The following PPP2R5A variants were observed in gnomAD, a reference collection of about 807,000 sequenced individuals.
PPP2R5A encodes protein phosphatase 2 regulatory subunit B'alpha.
PPP2R5A carries 25 observed loss-of-function variants against 64.2 expected under a neutral mutation model. That is an observed-to-expected ratio of 0.39 (90% CI 0.28 to 0.54). PPP2R5A has a LOEUF of 0.54. PPP2R5A is among the 20% of genes least tolerant of loss of function. The probability of loss-of-function intolerance (pLI) is 0.67; values close to 1 mark genes in which losing one functional copy is unlikely to be tolerated. For missense variants in PPP2R5A, 425 were observed against 576.3 expected, an observed-to-expected ratio of 0.74 and a Z score of 2.69; for synonymous variants, 198 against 201.2, an observed-to-expected ratio of 0.98 and a Z score of 0.13.
At chr1:212,341,798 G>A (rs923791795) in intron 3 of PPP2R5A, among the ~76,000 whole-genome samples, 1 of 151,940 alleles carries the variant, frequency 6.6e-6, no homozygotes, top group Non-Finnish European at 1.5e-5. Context: ...GCAGTGGTAC[G>A]GCACAGTCAC....
intron 3 of PPP2R5A, among the ~76,000 whole-genome samples, chr1:212,334,781 A>G (rs1485088979): frequency 6.6e-6 from 1 of 152,156 alleles, no homozygotes; most frequent in Non-Finnish European, 1.5e-5. Context: ...CTCATCATGT[A>G]TGTGAAAAGT....
intron 1 of PPP2R5A, among the ~76,000 whole-genome samples, chr1:212,300,621 A>G (rs1658784842): frequency 6.6e-6 from 1 of 152,172 alleles, no homozygotes; most frequent in Non-Finnish European, 1.5e-5. Flanking sequence ...GTTGTTCAAT[A>G]GCCTATTATT....
chr1:212,290,850 T>C (rs532820111), intron 1 of PPP2R5A, among the ~76,000 whole-genome samples: 15 of 152,354 alleles, frequency 9.8e-5, no homozygotes, highest in African/African-American at 3.6e-4. Flanking sequence ...TCCTTTCAAC[T>C]TCAGTTTAGC....
intron 1 of PPP2R5A, among the ~76,000 whole-genome samples, chr1:212,296,078 A>G (rs576175271): frequency 1.3e-5 from 2 of 152,074 alleles, no homozygotes; most frequent in East Asian, 3.9e-4. Flanking sequence ...TGCATTTGAG[A>G]TATATCTTAG....
intron 8 of PPP2R5A, among the ~76,000 whole-genome samples, chr1:212,349,582 C>G (rs542631745): frequency 6.6e-6 from 1 of 152,102 alleles, no homozygotes; most frequent in South Asian, 2.1e-4. Context: ...TTAAAGCATA[C>G]TTCGAGGGTC....
chr1:212,286,346 C>T, intron 1 of PPP2R5A, 55 bp downstream of exon 1: 10 of 1,398,314 alleles, frequency 7.2e-6, no homozygotes, highest in Non-Finnish European at 9.3e-6. Flanking sequence ...CAACGCTTGC[C>T]TCTGCGCCAG....
At chr1:212,349,116 T>A in intron 7 of PPP2R5A, 73 bp from the exon 8 acceptor site, 1 of 1,028,650 alleles carries the variant, frequency 9.7e-7, no homozygotes, top group South Asian at 2.5e-5. Flanking sequence ...TAAAAAATAT[T>A]GGCTAAATAT....
intron 1 of PPP2R5A, chr1:212,309,288 G>C: frequency 6.5e-7 from 1 of 1,531,112 alleles, no homozygotes; most frequent in South Asian, 1.1e-5. Flanking sequence ...GCGGAAACTT[G>C]ATGATAGCAT....
chr1:212,359,177 T>C (rs1660037734), intron 12 of PPP2R5A, among the ~76,000 whole-genome samples: 2 of 152,246 alleles, frequency 1.3e-5, no homozygotes, highest in African/African-American at 4.8e-5. Flanking sequence ...TATCAATTTG[T>C]ACAATTTGAT....
At chr1:212,354,795 T>C (rs1659950045) in intron 8 of PPP2R5A, among the ~76,000 whole-genome samples, 1 of 152,092 alleles carries the variant, frequency 6.6e-6, no homozygotes, top group African/African-American at 2.4e-5. Flanking sequence ...AAGATTATAA[T>C]GCTATATTTT....
intron 8 of PPP2R5A, among the ~76,000 whole-genome samples, chr1:212,354,201 T>C (rs899441754): frequency 1.3e-5 from 2 of 151,524 alleles, no homozygotes; most frequent in Non-Finnish European, 2.9e-5. Flanking sequence ...AATAAATAAA[T>C]AAAAATAACA....
intron 1 of PPP2R5A, among the ~76,000 whole-genome samples, chr1:212,317,754 G>A (rs1343088770): frequency 1.3e-5 from 2 of 152,096 alleles, no homozygotes; most frequent in Non-Finnish European, 2.9e-5. Context: ...TTAGGAGGCC[G>A]AGGCAGGCGG....
chr1:212,343,097 G>A (rs569440994), intron 4 of PPP2R5A, among the ~76,000 whole-genome samples: 2 of 150,816 alleles, frequency 1.3e-5, no homozygotes, highest in Non-Finnish European at 3.0e-5. Context: ...ACAGGCACAC[G>A]CCACCATGCC....
At chr1:212,317,452 T>G (rs1208214378) in intron 1 of PPP2R5A, among the ~76,000 whole-genome samples, 1 of 152,270 alleles carries the variant, frequency 6.6e-6, no homozygotes, top group East Asian at 1.9e-4. Context: ...TGTGGGATCC[T>G]GAAGTACTTC....
chr1:212,347,540 GTC>G, intron 6 of PPP2R5A, 134 bp downstream of exon 6: 2 of 606,084 alleles, frequency 3.3e-6, no homozygotes, highest in African/African-American at 2.0e-5. Context: ...CTCAACTGAA[GTC>G]TTTTTTTTTT....
At chr1:212,299,971 G>A (rs1217463935) in intron 1 of PPP2R5A, among the ~76,000 whole-genome samples, 1 of 151,956 alleles carries the variant, frequency 6.6e-6, no homozygotes, top group African/African-American at 2.4e-5. Flanking sequence ...CGCCACCACA[G>A]CCAGCTAATT....
At chr1:212,310,699 C>T (rs947219554) in intron 1 of PPP2R5A, among the ~76,000 whole-genome samples, 1 of 152,170 alleles carries the variant, frequency 6.6e-6, no homozygotes, top group Non-Finnish European at 1.5e-5. Context: ...GTGATTGAGG[C>T]CCCAGTTATT....
intron 1 of PPP2R5A, among the ~76,000 whole-genome samples, chr1:212,294,288 G>C (rs1044287375): frequency 6.6e-6 from 1 of 152,056 alleles, no homozygotes; most frequent in Admixed American, 6.6e-5. Flanking sequence ...AAGTGAAAAA[G>C]GGAAAAAGGT....
intron 8 of PPP2R5A, among the ~76,000 whole-genome samples, chr1:212,356,042 C>T (rs776624931): frequency 2.8e-4 from 43 of 151,994 alleles, no homozygotes; most frequent in Non-Finnish European, 4.9e-4. Flanking sequence ...CCAACCTGGG[C>T]GACAAAGTGA....
Sources: allele counts gnomAD v4.1 joint callset (sites outside exome capture counted in the v4.1 genomes callset), GRCh38; gene constraint gnomAD v4.1.1; transcripts MANE v1.5; gene names NCBI Gene and HGNC (gene_info 2026-07-23, HGNC 2026-07-21).